The following POLR3B variants were observed in gnomAD, a reference collection of about 807,000 sequenced individuals.
POLR3B encodes the protein DNA-directed RNA polymerase III subunit RPC2.
In POLR3B, 96 loss-of-function variants were observed where a neutral mutation model predicts 147.4. The observed-to-expected ratio is 0.65, with a 90% CI of 0.55 to 0.77. The LOEUF is 0.77. Ranked by LOEUF, POLR3B falls within the 30% of genes least tolerant of loss-of-function variation. The probability of loss-of-function intolerance (pLI) is 0.00; values close to 1 mark genes in which losing one functional copy is unlikely to be tolerated. For missense variants in POLR3B, 1,036 were observed against 1,413.5 expected (o/e 0.73, Z 4.28); for synonymous variants, 461 against 485.9 (o/e 0.95, Z 0.67).
At chr12:106,366,843 C>A in intron 4 of POLR3B, 121 bp downstream of exon 4, 1 of 819,684 alleles carries the variant, frequency 1.2e-6, no homozygotes. Context: ...TGGCTTATGC[C>A]TGTAATACCA....
At chr12:106,400,047 T>C (rs1452136298) in intron 10 of POLR3B, among the ~76,000 whole-genome samples, 1 of 152,112 alleles carries the variant, frequency 6.6e-6, no homozygotes, top group Non-Finnish European at 1.5e-5. Flanking sequence ...GCAAATTGGA[T>C]AAAGAGTCAA....
At position 106,463,576 on chromosome 12, in the gene POLR3B, G is replaced by T. The variant is rs750694928; in HGVS notation, c.2669G>T (p.Arg890Leu). Reference protein sequence around the residue: ...LIKMLLRQTRRPEIGDKFSSR... With the variant: ...LIKMLLRQTRLPEIGDKFSSR... ...AAAATGCTGCTGAGACAGACAAGGC[G>T]TCCAGAAATTGGAGACAAATTCAGC... Residue 890 changes from arginine to leucine, a missense_variant, in exon 23 of 28, where the codon CGT becomes CTT. Physicochemically the swap from Arg to Leu is moderately radical, Grantham distance 102 (BLOSUM62 -2). Coordinates refer to ENST00000228347, the MANE Select transcript of POLR3B (RefSeq NM_018082.6). 4 of 1,613,436 alleles carry T rather than the reference G, an allele frequency of 2.5e-6. No individual in the cohort carries two copies. In the Admixed American group the frequency reaches 5.0e-5, roughly 20 times the overall value.
intron 9 of POLR3B, among the ~76,000 whole-genome samples, chr12:106,389,014 T>A (rs1215412201): frequency 6.6e-6 from 1 of 152,212 alleles, no homozygotes; most frequent in African/African-American, 2.4e-5. Context: ...TTCATAAGTT[T>A]ATTATGTAGG....
chr12:106,504,021 G>GCTA lies in POLR3B; in HGVS notation c.3099-58_3099-56dup. On this transcript the variant is annotated intron_variant, in intron 26 of 27. Transcript: ENST00000228347. This position sits in a 1 kb window ranked among gnomAD's most constrained non-coding sequence, Gnocchi z 4.6. ...CTCGTGCTCTCTGCCAGCATGTGAT[G>GCTA]CTACCTCTTTGTTTGTTTAACAGAA... The GCTA allele has an allele frequency of 6.7e-7, 1 of 1,495,194 alleles. No homozygotes were observed. The highest frequency in any genetic ancestry group is 9.3e-7 in the Non-Finnish European group (1 of 1,071,548). The allele number at this position is 1,495,194 out of a possible 1,614,324, so 92.6% of individuals were successfully genotyped here. A position where few individuals can be genotyped will look rare whatever the true frequency, so the allele number is the denominator to read the frequency against.
chr12:106,400,899 C>T (rs1039461852), intron 10 of POLR3B, among the ~76,000 whole-genome samples: 1 of 152,166 alleles, frequency 6.6e-6, no homozygotes, highest in African/African-American at 2.4e-5. Flanking sequence ...GACACCCTAA[C>T]ATCACAATTA....
intron 20 of POLR3B, among the ~76,000 whole-genome samples, chr12:106,455,683 C>G (rs2037856210): frequency 1.3e-5 from 2 of 152,160 alleles, no homozygotes; most frequent in Admixed American, 6.5e-5. Context: ...ATTCACATTG[C>G]ACTCCAGCAT....
chr12:106,451,615 CTG>C (rs1277374734), intron 19 of POLR3B, among the ~76,000 whole-genome samples: 1 of 100,100 alleles, frequency 1.0e-5, no homozygotes, highest in Non-Finnish European at 1.8e-5. Flanking sequence ...GAGTGAGACT[CTG>C]TTATTTAAAA....
At chr12:106,358,835 A>G (rs917096676) in intron 1 of POLR3B, among the ~76,000 whole-genome samples, 1 of 152,216 alleles carries the variant, frequency 6.6e-6, no homozygotes, top group Non-Finnish European at 1.5e-5. Context: ...AAAAGTTTCA[A>G]TAAACATCTG....
chr12:106,424,601 G>C (rs1208970075), intron 12 of POLR3B, among the ~76,000 whole-genome samples: 4 of 152,056 alleles, frequency 2.6e-5, no homozygotes, highest in Non-Finnish European at 1.5e-5. Flanking sequence ...TGGGAAAGGT[G>C]GGGTAAATGC....
chr12:106,431,022 C>T (rs896624870), intron 14 of POLR3B, among the ~76,000 whole-genome samples: 8 of 152,188 alleles, frequency 5.3e-5, no homozygotes, highest in Non-Finnish European at 1.2e-4. Context: ...TTTGTGTTAA[C>T]ATTGTTAGTT....
chr12:106,383,764 G>A (rs1023638730), intron 9 of POLR3B, among the ~76,000 whole-genome samples: 5 of 152,100 alleles, frequency 3.3e-5, no homozygotes, highest in African/African-American at 4.8e-5. Context: ...GATCATTTGA[G>A]GTCAGGAGTT....
chr12:106,376,639 A>G (rs894230418), intron 7 of POLR3B, among the ~76,000 whole-genome samples, 189 bp downstream of exon 7: 1 of 79,102 alleles, frequency 1.3e-5, no homozygotes, highest in South Asian at 3.3e-4. Flanking sequence ...CTTTTTTGAG[A>G]TAGTGTCTCA....
chr12:106,399,800 C>T, intron 10 of POLR3B, among the ~76,000 whole-genome samples: 1 of 152,254 alleles, frequency 6.6e-6, no homozygotes, highest in Non-Finnish European at 1.5e-5. Flanking sequence ...CACCACCAGG[C>T]CTGCCCTAAA....
chr12:106,493,091 G>T (rs768803195), intron 23 of POLR3B, among the ~76,000 whole-genome samples: 1 of 152,212 alleles, frequency 6.6e-6, no homozygotes, highest in Non-Finnish European at 1.5e-5. Flanking sequence ...CTGAAATGCT[G>T]TGTAAGCATT....
chr12:106,458,032 C>T (rs1322508326), intron 21 of POLR3B, among the ~76,000 whole-genome samples: 2 of 152,172 alleles, frequency 1.3e-5, no homozygotes, highest in Admixed American at 6.6e-5. Context: ...TGCAGGGAAG[C>T]ATGGTGCACA....
intron 9 of POLR3B, among the ~76,000 whole-genome samples, chr12:106,391,546 CG>C (rs2036914946): frequency 6.6e-6 from 1 of 152,178 alleles, no homozygotes; most frequent in Non-Finnish European, 1.5e-5. Context: ...AAGTTTACAT[CG>C]GATCCTAAAG....
At chr12:106,370,239 G>GT (rs942978849) in intron 6 of POLR3B, among the ~76,000 whole-genome samples, 15 of 152,260 alleles carry the variant, frequency 9.9e-5, no homozygotes, top group African/African-American at 3.6e-4. Context: ...CTGTTCAAGT[G>GT]TTTTTCCCCC....
chr12:106,366,739 C>T lies in POLR3B; in HGVS notation c.227+17C>T, dbSNP rs966554577. 1.9e-6 allele frequency: 3 copies of T among 1,573,420 alleles called. No homozygotes were observed. In the African/African-American group the frequency reaches 4.0e-5, roughly 21 times the overall value. On this transcript the variant is annotated intron_variant, in intron 4 of 27. Coordinates refer to ENST00000228347, the MANE Select transcript of POLR3B (RefSeq NM_018082.6). ...GTACTTAAAGTAAGGAACCAACATT[C>T]TTAATTTGCTATGTGGGTTACATCT...
intron 2 of POLR3B, among the ~76,000 whole-genome samples, chr12:106,364,752 C>T (rs1470488904): frequency 1.3e-5 from 2 of 152,192 alleles, no homozygotes; most frequent in Admixed American, 1.3e-4. Flanking sequence ...ATCTGTGCAA[C>T]AGAGTATTAT....
Sources: allele counts gnomAD v4.1 joint callset (sites outside exome capture counted in the v4.1 genomes callset), GRCh38; gene constraint gnomAD v4.1.1; non-coding constraint Gnocchi (gnomAD v3.1); transcripts MANE v1.5; gene names NCBI Gene and HGNC (gene_info 2026-07-23, HGNC 2026-07-21).